ABCC4: variants seen among roughly 807,000 people sequenced by gnomAD.
The protein encoded by ABCC4 is ATP binding cassette subfamily C member 4 (PEL blood group).
ABCC4 carries 102 observed loss-of-function variants against 168.5 expected under a neutral mutation model. The observed-to-expected ratio is 0.61, with a 90% CI of 0.52 to 0.71. The LOEUF (loss-of-function observed/expected upper bound fraction) is 0.71. Among genes scored for constraint, ABCC4 ranks in the 30% least tolerant of loss-of-function variants. The probability of loss-of-function intolerance (pLI) is 0.00; values close to 1 mark genes in which losing one functional copy is unlikely to be tolerated. For missense variants in ABCC4, 1,402 were observed against 1,605.8 expected (o/e 0.87, Z 2.17); for synonymous variants, 617 against 590.7 (o/e 1.04, Z -0.65).
intron 19 of ABCC4, among the ~76,000 whole-genome samples, chr13:95,134,486 C>T (rs1470991456): frequency 6.6e-6 from 1 of 151,846 alleles, no homozygotes; most frequent in Non-Finnish European, 1.5e-5. Flanking sequence ...CAAGAGAGGC[C>T]GAGGTAGGCA....
At chr13:95,057,396 C>T (rs2033103858) in intron 26 of ABCC4, among the ~76,000 whole-genome samples, 1 of 152,154 alleles carries the variant, frequency 6.6e-6, no homozygotes. Context: ...CGCACCACCA[C>T]GTCCGGCTAA....
At chr13:95,242,346 G>A (rs1304205561) in intron 3 of ABCC4, among the ~76,000 whole-genome samples, 3 of 151,374 alleles carry the variant, frequency 2.0e-5, no homozygotes, top group African/African-American at 7.3e-5. Flanking sequence ...TCCTGCCTCA[G>A]CCTCCTGAGT....
At chr13:95,157,936 G>A (rs2036930004) in intron 19 of ABCC4, among the ~76,000 whole-genome samples, 1 of 152,028 alleles carries the variant, frequency 6.6e-6, no homozygotes, top group African/African-American at 2.4e-5. Context: ...GCCGGGCGTG[G>A]TGGTGGGTGC....
chr13:95,160,643 G>T (rs1197798859), intron 19 of ABCC4, among the ~76,000 whole-genome samples: 1 of 152,144 alleles, frequency 6.6e-6, no homozygotes, highest in Admixed American at 6.5e-5. Flanking sequence ...TATCAATCTT[G>T]GCTTTTAATT....
At chr13:95,203,389 T>C (rs1175857834) in intron 8 of ABCC4, among the ~76,000 whole-genome samples, 1 of 148,634 alleles carries the variant, frequency 6.7e-6, no homozygotes, top group African/African-American at 2.5e-5. Flanking sequence ...CAGACTACAG[T>C]GCAGTGGCGT....
At chr13:95,120,996 C>G (rs1034571059) in intron 19 of ABCC4, among the ~76,000 whole-genome samples, 1 of 152,098 alleles carries the variant, frequency 6.6e-6, no homozygotes, top group African/African-American at 2.4e-5. Flanking sequence ...TCAGCTTAGA[C>G]CAAAATGAGA....
chr13:95,151,602 G>GAGAAGGAGAAGGAGA (rs746056066), intron 19 of ABCC4, among the ~76,000 whole-genome samples: 3 of 83,334 alleles, frequency 3.6e-5, no homozygotes, highest in Admixed American at 1.3e-4. Context: ...GAAGGAGGAG[G>GAGAAGGAGAAGGAGA]AGAAGGAGAA....
rs970525807 is a variant in ABCC4 at position 95,247,824 on chromosome 13, G to C, written c.75-71C>G. The C allele has an allele frequency of 2.8e-5, 34 of 1,234,392 alleles. No homozygotes were observed. In the Admixed American group the frequency reaches 6.1e-4, roughly 22 times the overall value. The allele number at this position is 1,234,392 out of a possible 1,614,324, so 76.5% of individuals were successfully genotyped here. ...TGTTTAAGTAGACTCCTACCTCCAT[G>C]GGTTTTGCTTAAACTTACCTTTAAA... is the stretch of plus-strand genomic sequence containing the variant. On this transcript the variant is annotated intron_variant, in intron 1 of 30. Transcript: ENST00000645237.
intron 19 of ABCC4, among the ~76,000 whole-genome samples, chr13:95,157,456 C>CA (rs1287998301): frequency 6.6e-6 from 1 of 151,524 alleles, no homozygotes; most frequent in Non-Finnish European, 1.5e-5. Flanking sequence ...GAGATCATGC[C>CA]ACTGCACTCG....
At chr13:95,185,917 T>TTTAAAA (rs2038043484) in intron 11 of ABCC4, among the ~76,000 whole-genome samples, 1 of 152,046 alleles carries the variant, frequency 6.6e-6, no homozygotes, top group African/African-American at 2.4e-5. Context: ...TAAATTGCAC[T>TTTAAAA]GTAAATTTAT....
chr13:95,204,029 G>A (rs2038710750), intron 8 of ABCC4, among the ~76,000 whole-genome samples: 1 of 152,158 alleles, frequency 6.6e-6, no homozygotes, highest in African/African-American at 2.4e-5. Context: ...TACTGGCCTT[G>A]CTCGGCAGGA....
intron 29 of ABCC4, among the ~76,000 whole-genome samples, chr13:95,038,227 G>A (rs1193113624): frequency 1.3e-5 from 2 of 152,048 alleles, no homozygotes; most frequent in African/African-American, 4.8e-5. Flanking sequence ...ACACATTGGA[G>A]GAAAATGGAA....
At position 95,186,772 on chromosome 13, in the gene ABCC4, T is replaced by TA; in HGVS notation, c.1473dup (p.Asn492Ter). On this transcript the variant is annotated frameshift_variant, in exon 11 of 31. Coordinates refer to ENST00000645237, the MANE Select transcript of ABCC4 (RefSeq NM_005845.5). LOFTEE classifies it high-confidence loss of function. Reference sequence around the variant, plus strand: ...TCGTATTTCTTCCCAAATAAAATATTACTCCTCAGAGTTCCCGAGAACACC... The same window carrying TA: ...TCGTATTTCTTCCCAAATAAAATATTAACTCCTCAGAGTTCCCGAGAACACC... 1.2e-6 allele frequency: 2 copies of TA among 1,614,148 alleles called. No homozygotes were observed. Among genetic ancestry groups the TA allele is most frequent in the Non-Finnish European group, 1.7e-6 (2 of 1,180,034 alleles).
intron 4 of ABCC4, among the ~76,000 whole-genome samples, chr13:95,225,190 CACACACACACACAG>C: frequency 7.4e-6 from 1 of 134,400 alleles, no homozygotes; most frequent in Admixed American, 7.6e-5. Flanking sequence ...CACACACACA[CACACACACACACAG>C]AGTATATTTG....
intron 27 of ABCC4, among the ~76,000 whole-genome samples, chr13:95,044,891 A>G (rs2032512765): frequency 6.6e-6 from 1 of 152,188 alleles, no homozygotes; most frequent in Admixed American, 6.5e-5. Context: ...TTAACTGTAA[A>G]TGGACACAAG....
chr13:95,155,350 T>C (rs2036821149), intron 19 of ABCC4, among the ~76,000 whole-genome samples: 2 of 152,070 alleles, frequency 1.3e-5, no homozygotes, highest in Non-Finnish European at 1.5e-5. Flanking sequence ...GGCTAAAAGC[T>C]GAGAATCTTA....
intron 9 of ABCC4, among the ~76,000 whole-genome samples, chr13:95,190,136 G>C (rs1447329456): frequency 1.3e-5 from 2 of 152,058 alleles, no homozygotes; most frequent in African/African-American, 4.8e-5. Flanking sequence ...CTTGAGCCTA[G>C]GAGTTCAAGA....
At chr13:95,194,326 A>G (rs1006987741) in intron 9 of ABCC4, among the ~76,000 whole-genome samples, 3 of 152,210 alleles carry the variant, frequency 2.0e-5, no homozygotes, top group Admixed American at 1.3e-4. Flanking sequence ...CTGCCACCAA[A>G]GCAGCTGGCA....
chr13:95,227,697 G>A (rs1246622996), intron 4 of ABCC4, among the ~76,000 whole-genome samples: 3 of 152,140 alleles, frequency 2.0e-5, no homozygotes, highest in African/African-American at 7.2e-5. Context: ...AAGGCCCAAA[G>A]GAGTTGAATA....
Sources: gnomAD v4.1 joint callset for allele counts (sites outside exome capture counted in the v4.1 genomes callset) on GRCh38, gnomAD v4.1.1 for gene constraint, MANE v1.5 for transcripts, NCBI Gene and HGNC (gene_info 2026-07-23, HGNC 2026-07-21) for gene names.